The following SGCD variants were observed in gnomAD, a reference collection of about 807,000 sequenced individuals.
SGCD encodes sarcoglycan delta, also known as delta-sarcoglycan.
Under a neutral mutation model 36.6 loss-of-function variants are expected in SGCD, and 18 were observed. That is an observed-to-expected ratio of 0.49 (90% CI 0.34 to 0.73). The LOEUF (loss-of-function observed/expected upper bound fraction) is 0.73. Among genes scored for constraint, SGCD ranks in the 30% least tolerant of loss-of-function variants. SGCD has a pLI of 0.01. For missense variants in SGCD, 387 were observed against 346.7 expected, an observed-to-expected ratio of 1.12 and a Z score of -0.92; for synonymous variants, 133 against 130.6, an observed-to-expected ratio of 1.02 and a Z score of -0.12.
intron 3 of SGCD, among the ~76,000 whole-genome samples, chr5:156,441,090 G>A (rs1490341608): frequency 6.6e-6 from 1 of 152,108 alleles, no homozygotes; most frequent in Non-Finnish European, 1.5e-5. Flanking sequence ...CTTTAATATT[G>A]TGATTTTAAG....
chr5:155,891,637 T>C (rs2113317676), intron 1 of SGCD, among the ~76,000 whole-genome samples: 1 of 127,878 alleles, frequency 7.8e-6, no homozygotes, highest in South Asian at 2.6e-4. Flanking sequence ...AAAACAATAT[T>C]ACAGTGTTCC....
intron 3 of SGCD, among the ~76,000 whole-genome samples, chr5:156,436,017 C>T (rs1408656519): frequency 6.6e-6 from 1 of 152,134 alleles, no homozygotes; most frequent in African/African-American, 2.4e-5. Context: ...AAGTGTGGAC[C>T]CCACCTGTGT....
chr5:156,758,025 G>T, intron 8 of SGCD: 1 of 1,137,866 alleles, frequency 8.8e-7, no homozygotes, highest in Non-Finnish European at 1.1e-6. Context: ...ACATAATTAA[G>T]CTGTATATAT....
At chr5:156,268,810 T>A (rs1284217109) in intron 3 of SGCD, among the ~76,000 whole-genome samples, 7 of 152,146 alleles carry the variant, frequency 4.6e-5, no homozygotes, top group Admixed American at 4.6e-4. Flanking sequence ...ATCAGGCTGG[T>A]CTCGAACTCC....
intron 2 of SGCD, chr5:156,123,806 T>C (rs1762106589): frequency 1.3e-5 from 2 of 152,188 alleles, no homozygotes; most frequent in Non-Finnish European, 2.9e-5. Context: ...TCACTCTGTC[T>C]TGTTTTTGTT....
chr5:156,320,904 T>C lies in SGCD; in HGVS notation c.-43-8630T>C, dbSNP rs78565481. Among the ~76,000 whole-genome samples the C allele has an allele frequency of 6.4e-3, 974 of 152,320 alleles. 10 individuals carry two copies. The highest frequency in any genetic ancestry group is 0.018 in the African/African-American group (757 of 41,558). On this transcript the variant is annotated intron_variant, in intron 3 of 9. Coordinates refer to the SGCD transcript ENST00000517913. ...AAATAGCATTGGATTTACTCTGTTT[T>C]GAAGAGCCAGAGCAGAGTGAGTGTC...
chr5:156,254,350 A>G lies in SGCD; in HGVS notation c.-43-75184A>G, dbSNP rs890612173. On this transcript the variant is annotated intron_variant, in intron 3 of 9. Transcript: ENST00000517913. ...TAACTTGTCATTTAACATTAGGTAT[A>G]TCTCCTAATGCTATCCCTCCCCGCT... Among the ~76,000 whole-genome samples the G allele has an allele frequency of 5.9e-5, 9 of 152,292 alleles. No individual in the cohort carries two copies. In the South Asian group the frequency reaches 1.7e-3, roughly 28 times the overall value.
At chr5:155,820,721 A>G in the SGCD span, among the ~76,000 whole-genome samples, 2 of 152,024 alleles carry the variant, frequency 1.3e-5, no homozygotes, top group Non-Finnish European at 2.9e-5. Context: ...AATAAATAAA[A>G]TACTGTATGT....
At chr5:155,928,466 A>G (rs1237730066) in intron 1 of SGCD, among the ~76,000 whole-genome samples, 1 of 152,032 alleles carries the variant, frequency 6.6e-6, no homozygotes, top group African/African-American at 2.4e-5. Flanking sequence ...TCAGGAGTTC[A>G]AGACCAGCCT....
At chr5:156,014,250 G>A (rs1758918551) in intron 1 of SGCD, among the ~76,000 whole-genome samples, 1 of 151,892 alleles carries the variant, frequency 6.6e-6, no homozygotes, top group Non-Finnish European at 1.5e-5. Flanking sequence ...AGTTTCCTTG[G>A]CAATCACTTA....
chr5:155,739,106 A>G, the SGCD span, among the ~76,000 whole-genome samples: 3 of 152,208 alleles, frequency 2.0e-5, no homozygotes, highest in African/African-American at 7.2e-5. Flanking sequence ...AATCACCAAC[A>G]ATTATTTGTT....
chr5:156,396,568 G>T (rs903592929), intron 3 of SGCD, among the ~76,000 whole-genome samples: 1 of 152,082 alleles, frequency 6.6e-6, no homozygotes, highest in Admixed American at 6.6e-5. Flanking sequence ...CAACAGTATT[G>T]ATTGGTTAAT....
the SGCD span, among the ~76,000 whole-genome samples, chr5:155,784,600 G>A: frequency 1.3e-5 from 2 of 150,322 alleles, no homozygotes; most frequent in African/African-American, 4.9e-5. Context: ...TTTCCATGGG[G>A]CTGTGTTGGT....
chr5:155,862,793 CATACCTTT>C, the SGCD span, among the ~76,000 whole-genome samples: 1 of 152,202 alleles, frequency 6.6e-6, no homozygotes, highest in Non-Finnish European at 1.5e-5. Context: ...AACTTGTCCA[CATACCTTT>C]AAATGACATA....
intron 7 of SGCD, among the ~76,000 whole-genome samples, chr5:156,715,891 G>A (rs1053437713): frequency 1.3e-5 from 2 of 152,198 alleles, no homozygotes; most frequent in South Asian, 2.1e-4. Context: ...GAAGAGTGGT[G>A]CAAGACAAGG....
At chr5:156,549,297 G>A (rs1055860934) in intron 4 of SGCD, among the ~76,000 whole-genome samples, 1 of 152,164 alleles carries the variant, frequency 6.6e-6, no homozygotes, top group Non-Finnish European at 1.5e-5. Flanking sequence ...AGCAAAGCAG[G>A]ATGAGCTCAC....
intron 1 of SGCD, among the ~76,000 whole-genome samples, chr5:156,110,173 C>T (rs551940716): frequency 6.6e-6 from 1 of 152,218 alleles, no homozygotes; most frequent in South Asian, 2.1e-4. Context: ...AAATCTCAGC[C>T]CTGCTGCCTT....
At chr5:156,096,841 CT>C (rs995784460) in intron 1 of SGCD, among the ~76,000 whole-genome samples, 1 of 152,078 alleles carries the variant, frequency 6.6e-6, no homozygotes, top group African/African-American at 2.4e-5. Context: ...TTATTCTTTC[CT>C]TTTTGTTTGG....
At chr5:156,291,322 A>G (rs1766751359) in intron 3 of SGCD, among the ~76,000 whole-genome samples, 1 of 152,146 alleles carries the variant, frequency 6.6e-6, no homozygotes. Context: ...TGTCTTGGTC[A>G]TTTTACATGC....
Sources: gnomAD v4.1 joint callset for allele counts (sites outside exome capture counted in the v4.1 genomes callset) on GRCh38, gnomAD v4.1.1 for gene constraint, MANE v1.5 for transcripts, NCBI Gene and HGNC (gene_info 2026-07-23, HGNC 2026-07-21) for gene names.